The following ANKRD30BL variants were observed in gnomAD, a reference collection of about 807,000 sequenced individuals.
ANKRD30BL encodes the protein putative ankyrin repeat domain-containing protein 30B-like.
A neutral mutation model predicts 18.4 loss-of-function variants in ANKRD30BL; 20 were observed. The ratio of observed to expected loss-of-function variants is 1.09; its 90% CI spans 0.77 to 1.58. The LOEUF (loss-of-function observed/expected upper bound fraction) is 1.58, where lower values mean the gene tolerates loss of function less well. Among genes scored for constraint, ANKRD30BL ranks in the 40% most tolerant of loss-of-function variants. ANKRD30BL has a pLI of 0.00. For synonymous variants in ANKRD30BL, 72 were observed against 100.9 expected (o/e 0.71, Z 1.72); for missense variants, 224 against 268.6 (o/e 0.83, Z 1.16).
chr2:132,216,648 A>T (rs1679505042), intron 1 of ANKRD30BL, among the ~76,000 whole-genome samples: 1 of 152,146 alleles, frequency 6.6e-6, no homozygotes, highest in Non-Finnish European at 1.5e-5. Flanking sequence ...TAGGATCTGC[A>T]TGTGGACCTT....
At position 132,153,333 on chromosome 2, in the gene ANKRD30BL, T is replaced by G. The variant is rs551840515; in HGVS notation, c.614+1329A>C. On this transcript the variant is annotated intron_variant, in intron 4 of 5. Transcript: ENST00000409867. ...TAACTAATTAGAAAAACCAAAATTGTGACATTATATTTATCCCATGCATAG... is the reference window on the plus strand; with the variant it reads ...TAACTAATTAGAAAAACCAAAATTGGGACATTATATTTATCCCATGCATAG... Among the ~76,000 whole-genome samples the G allele has an allele frequency of 2.4e-4, 36 of 152,294 alleles. 1 individual carries two copies. In the South Asian group the frequency reaches 7.5e-3, roughly 32 times the overall value.
chr2:132,221,265 A>C (rs1173288187), intron 1 of ANKRD30BL, among the ~76,000 whole-genome samples: 4 of 118,718 alleles, frequency 3.4e-5, no homozygotes, highest in South Asian at 3.0e-4. Flanking sequence ...GGCCGCCCCT[A>C]CTGGGAAGTG....
At chr2:132,230,609 G>T (rs1679982783) in intron 1 of ANKRD30BL, among the ~76,000 whole-genome samples, 1 of 152,090 alleles carries the variant, frequency 6.6e-6, no homozygotes, top group Non-Finnish European at 1.5e-5. Context: ...TGGATATTTG[G>T]ACCGCATTGA....
chr2:132,161,578 T>A lies in ANKRD30BL; in HGVS notation c.128A>T (p.His43Leu). 6.9e-7 allele frequency: 1 copy of A among 1,456,306 alleles called. No individual in the cohort carries two copies. The highest frequency in any genetic ancestry group is 1.2e-5 in the South Asian group (1 of 82,040). 90.2% of individuals were successfully genotyped at this position (1,456,306 alleles called of 1,614,324 possible). ...GGCTTGGCCCCGGGAGGCAGCTTTG[T>A]GGATCTTCCTGAGATCCCCATGGTG... ...VIHHGDLRKI[H>L]KAASRGQAWK... The change falls in exon 1 of 6, where the codon CAC becomes CTC. Residue 43 changes from histidine (H) to leucine (L), a missense_variant. Physicochemically the swap from His to Leu is moderately conservative, Grantham distance 99. Transcript: ENST00000409867.
chr2:132,163,464 T>G (rs924936962), upstream of ANKRD30BL, among the ~76,000 whole-genome samples: 58 of 152,054 alleles, frequency 3.8e-4, no homozygotes, highest in African/African-American at 1.4e-3. Context: ...CATTTGACCT[T>G]TTCAGTCTTC....
intron 1 of ANKRD30BL, among the ~76,000 whole-genome samples, chr2:132,253,926 G>T (rs769690347): frequency 6.6e-6 from 1 of 152,002 alleles, no homozygotes; most frequent in African/African-American, 2.4e-5. Context: ...TGGTGGCAGC[G>T]GCAGCGATGG....
chr2:132,165,558 CAA>C (rs71001174), upstream of ANKRD30BL, among the ~76,000 whole-genome samples: 14 of 135,134 alleles, frequency 1.0e-4, no homozygotes, highest in East Asian at 4.3e-4. Context: ...TAGTAAAATA[CAA>C]AAAAAAAAAA....
At chr2:132,256,824 C>T in intron 1 of ANKRD30BL, 1 of 373,212 alleles carries the variant, frequency 2.7e-6, no homozygotes, top group Non-Finnish European at 5.2e-6. Context: ...CGGGTTTGGT[C>T]CCAGACGGGG....
At chr2:132,220,511 G>A (rs1419517206) in intron 1 of ANKRD30BL, among the ~76,000 whole-genome samples, 2 of 151,958 alleles carry the variant, frequency 1.3e-5, no homozygotes, top group Admixed American at 6.6e-5. Flanking sequence ...TTGCAGGCGC[G>A]CGTCGCCACG....
intron 1 of ANKRD30BL, among the ~76,000 whole-genome samples, chr2:132,158,065 T>C (rs571226735): frequency 4.6e-4 from 70 of 152,278 alleles, no homozygotes; most frequent in Middle Eastern, 3.4e-3. Context: ...CAATCTTGTA[T>C]TGGTACATAA....
At chr2:132,237,637 G>A (rs79470726) in intron 1 of ANKRD30BL, among the ~76,000 whole-genome samples, 2 of 151,100 alleles carry the variant, frequency 1.3e-5, no homozygotes, top group Non-Finnish European at 3.0e-5. Flanking sequence ...AACTAGACAG[G>A]AGCATTCTCA....
intron 1 of ANKRD30BL, among the ~76,000 whole-genome samples, chr2:132,203,074 C>T (rs1221379338): frequency 1.3e-5 from 2 of 152,328 alleles, no homozygotes; most frequent in Non-Finnish European, 2.9e-5. Context: ...GCTTTTGTAG[C>T]CCGTTCTATT....
chr2:132,186,774 A>T (rs1411432509), intron 1 of ANKRD30BL, among the ~76,000 whole-genome samples: 1 of 152,240 alleles, frequency 6.6e-6, no homozygotes, highest in African/African-American at 2.4e-5. Flanking sequence ...TTGATAATAT[A>T]GTCACTGACT....
intron 1 of ANKRD30BL, among the ~76,000 whole-genome samples, chr2:132,213,105 G>A (rs1213342455): frequency 6.6e-6 from 1 of 151,198 alleles, no homozygotes; most frequent in Non-Finnish European, 1.5e-5. Context: ...AGCAGCAAGT[G>A]GACATTTGGA....
rs999189755 is a variant in ANKRD30BL at position 132,161,813 on chromosome 2, G to T, written c.-108C>A. ...TCAGTCCCTGCATCCGCCCTGACAAGACTAGAAATCTCAGTCGGGCCAAGC... is the reference window on the plus strand; with the variant it reads ...TCAGTCCCTGCATCCGCCCTGACAATACTAGAAATCTCAGTCGGGCCAAGC... On this transcript the variant is annotated 5_prime_UTR_variant, in exon 1 of 6. Transcript: ENST00000409867. The T allele has an allele frequency of 6.2e-6, 4 of 643,146 alleles. No individual in the cohort carries two copies. The Admixed American group carries it at 1.1e-4, about 18-fold the overall frequency. 39.8% of individuals were successfully genotyped at this position (643,146 alleles called of 1,614,324 possible).
At chr2:132,165,360 G>A (rs1488314242), upstream of ANKRD30BL, among the ~76,000 whole-genome samples, 2 of 151,066 alleles carry the variant, frequency 1.3e-5, no homozygotes, top group African/African-American at 4.9e-5. Context: ...GTCAGTTTTG[G>A]TGTGGACATA....
At chr2:132,226,768 C>T (rs902690628) in intron 1 of ANKRD30BL, among the ~76,000 whole-genome samples, 18 of 151,322 alleles carry the variant, frequency 1.2e-4, no homozygotes, top group African/African-American at 4.1e-4. Context: ...AGAGTTGAAC[C>T]TTTCTTTTGA....
At chr2:132,202,323 AT>A (rs1679121995) in intron 1 of ANKRD30BL, among the ~76,000 whole-genome samples, 1 of 149,174 alleles carries the variant, frequency 6.7e-6, no homozygotes, top group Non-Finnish European at 1.5e-5. Context: ...CACCAAAAAA[AT>A]AAATAAATAA....
chr2:132,190,747 A>G lies in ANKRD30BL; in HGVS notation n.442-33601T>C, dbSNP rs1359477031. ...AGCTAAAGCTGATTGCCAGTTACAC[A>G]TTTAGATCTTTTATGCAGCGAATTA... On this transcript the variant is annotated intron_variant and non_coding_transcript_variant, in intron 1 of 4. Transcript: ENST00000470729. 2.6e-5 allele frequency among the ~76,000 whole-genome samples: 4 copies of G among 152,332 alleles called. No homozygotes were observed. The East Asian group carries it at 7.7e-4, about 29-fold the overall frequency.
Sources: gnomAD v4.1 joint callset for allele counts (sites outside exome capture counted in the v4.1 genomes callset) on GRCh38, gnomAD v4.1.1 for gene constraint, MANE v1.5 for transcripts, NCBI Gene and HGNC (gene_info 2026-07-23, HGNC 2026-07-21) for gene names.